The following CLVS1 variants were observed in gnomAD, a reference collection of about 807,000 sequenced individuals.
CLVS1 encodes the protein clavesin-1.
In CLVS1, 10 loss-of-function variants were observed where a neutral mutation model predicts 33.1. The ratio of observed to expected loss-of-function variants is 0.30; its 90% CI spans 0.19 to 0.51. The LOEUF is 0.51. CLVS1 is among the 20% of genes least tolerant of loss of function. The pLI is 0.97. For missense variants in CLVS1, 343 were observed against 433.4 expected, an observed-to-expected ratio of 0.79 and a Z score of 1.85; for synonymous variants, 163 against 166.1, an observed-to-expected ratio of 0.98 and a Z score of 0.14.
chr8:61,055,658 G>A (rs1052632083), upstream of CLVS1, among the ~76,000 whole-genome samples: 1 of 152,200 alleles, frequency 6.6e-6, no homozygotes, highest in Non-Finnish European at 1.5e-5. Flanking sequence ...AAGCAGACAG[G>A]CCTTCCCTTC....
At chr8:61,099,130 G>A (rs1161612604) in intron 1 of CLVS1, among the ~76,000 whole-genome samples, 1 of 152,116 alleles carries the variant, frequency 6.6e-6, no homozygotes, top group African/African-American at 2.4e-5. Flanking sequence ...GCTAACATCT[G>A]TCTTTTAAGT....
intron 2 of CLVS1, among the ~76,000 whole-genome samples, chr8:61,335,509 G>A (rs1438962411): frequency 6.6e-6 from 1 of 152,168 alleles, no homozygotes; most frequent in African/African-American, 2.4e-5. Context: ...AAACCAAGGT[G>A]CTCTGTAAGC....
At chr8:61,091,011 C>A (rs1805236516) in intron 1 of CLVS1, 1 of 467,482 alleles carries the variant, frequency 2.1e-6, no homozygotes, top group Non-Finnish European at 4.2e-6. Flanking sequence ...TACATTTGCA[C>A]CCTAATCCCC....
chr8:61,277,097 C>T (rs1300747202), intron 2 of CLVS1, among the ~76,000 whole-genome samples: 1 of 152,168 alleles, frequency 6.6e-6, no homozygotes, highest in Non-Finnish European at 1.5e-5. Context: ...TTGCTGACTC[C>T]AGAGCCACAT....
intron 1 of CLVS1, among the ~76,000 whole-genome samples, chr8:61,111,043 G>C (rs958902965): frequency 1.3e-5 from 2 of 152,188 alleles, no homozygotes; most frequent in Middle Eastern, 3.4e-3. Context: ...CATTTTTTGT[G>C]TATATACCCA....
At chr8:61,412,268 G>T (rs185516874) in intron 3 of CLVS1, among the ~76,000 whole-genome samples, 5 of 152,234 alleles carry the variant, frequency 3.3e-5, no homozygotes, top group Admixed American at 6.5e-5. Context: ...TGTTAAAAAA[G>T]AGCACACATA....
the CLVS1 span, among the ~76,000 whole-genome samples, chr8:61,038,811 C>T: frequency 1.3e-5 from 2 of 152,132 alleles, no homozygotes; most frequent in Non-Finnish European, 2.9e-5. Context: ...AACCGAAGGT[C>T]CTTTTGTGAT....
the CLVS1 span, among the ~76,000 whole-genome samples, chr8:61,003,840 A>G: frequency 5.9e-5 from 9 of 152,366 alleles, no homozygotes; most frequent in Middle Eastern, 3.4e-3. Flanking sequence ...TTCTGACCTC[A>G]TACACAAACT....
chr8:60,997,572 T>A, the CLVS1 span, among the ~76,000 whole-genome samples: 1 of 152,090 alleles, frequency 6.6e-6, no homozygotes, highest in Non-Finnish European at 1.5e-5. Context: ...AGGGGGAGGG[T>A]GGCTGACCAC....
intron 5 of CLVS1, among the ~76,000 whole-genome samples, chr8:61,497,025 A>C (rs1804289727): frequency 6.6e-6 from 1 of 152,230 alleles, no homozygotes; most frequent in Non-Finnish European, 1.5e-5. Flanking sequence ...GTTAATATAC[A>C]ACTATGGGTT....
At chr8:61,323,443 TA>T (rs890010216) in intron 2 of CLVS1, among the ~76,000 whole-genome samples, 8 of 152,174 alleles carry the variant, frequency 5.3e-5, no homozygotes, top group Non-Finnish European at 1.2e-4. Flanking sequence ...GAGGAACATG[TA>T]GGTTGAAAGA....
At chr8:61,016,880 C>T in the CLVS1 span, among the ~76,000 whole-genome samples, 11 of 152,252 alleles carry the variant, frequency 7.2e-5, no homozygotes, top group Admixed American at 2.6e-4. Context: ...CTGTTTAGTA[C>T]GTCTGGAAAG....
At chr8:61,315,147 C>G (rs1047321998) in intron 2 of CLVS1, among the ~76,000 whole-genome samples, 2 of 152,166 alleles carry the variant, frequency 1.3e-5, no homozygotes, top group Non-Finnish European at 2.9e-5. Flanking sequence ...GATATTTGTA[C>G]TTTTCTTCTC....
At chr8:61,237,927 T>C (rs930782605) in intron 2 of CLVS1, among the ~76,000 whole-genome samples, 24 of 150,682 alleles carry the variant, frequency 1.6e-4, no homozygotes, top group African/African-American at 5.8e-4. Flanking sequence ...GGTGCTCCCA[T>C]AAGAGGAGAC....
chr8:61,318,942 T>C (rs770969624), intron 2 of CLVS1, among the ~76,000 whole-genome samples: 21 of 152,132 alleles, frequency 1.4e-4, no homozygotes, highest in Non-Finnish European at 2.2e-4. Flanking sequence ...TCAGTGTCTA[T>C]AGTTTTTATT....
intron 3 of CLVS1, among the ~76,000 whole-genome samples, chr8:61,392,007 T>A (rs1814321643): frequency 6.6e-6 from 1 of 152,210 alleles, no homozygotes; most frequent in Non-Finnish European, 1.5e-5. Flanking sequence ...CTTGTGGTTT[T>A]GTTCTATAAT....
intron 2 of CLVS1, among the ~76,000 whole-genome samples, chr8:61,194,294 G>A (rs760482799): frequency 6.6e-5 from 10 of 151,946 alleles, no homozygotes; most frequent in African/African-American, 9.7e-5. Context: ...CCATTTATAT[G>A]CTGTTGAAAA....
chr8:61,481,290 G>A (rs775256549), intron 5 of CLVS1, among the ~76,000 whole-genome samples: 7 of 152,202 alleles, frequency 4.6e-5, no homozygotes, highest in Non-Finnish European at 1.0e-4. Flanking sequence ...GCAGCTCCCA[G>A]TGTGAGCGAC....
At chr8:61,086,035 CAAAAAAAAAAAAAAAAAAAAAAAAAAA>C (rs4033854) in intron 1 of CLVS1, among the ~76,000 whole-genome samples, 12 of 31,200 alleles carry the variant, frequency 3.8e-4, no homozygotes, top group Admixed American at 1.2e-3. Flanking sequence ...GACTCCCTCT[CAAAAAAAAAAAAAAAAAAAAAAAAAAA>C]AAAAAAAAAA....
Sources: gnomAD v4.1 joint callset for allele counts (sites outside exome capture counted in the v4.1 genomes callset) on GRCh38, gnomAD v4.1.1 for gene constraint, MANE v1.5 for transcripts, NCBI Gene and HGNC (gene_info 2026-07-23, HGNC 2026-07-21) for gene names.